The following PPP3R1 variants were observed in gnomAD, a reference collection of about 807,000 sequenced individuals.
The protein encoded by PPP3R1 is calcineurin subunit B type 1.
A neutral mutation model predicts 22.6 loss-of-function variants in PPP3R1; 5 were observed. The ratio of observed to expected loss-of-function variants is 0.22; its 90% CI spans 0.12 to 0.46. PPP3R1 has a LOEUF of 0.46. PPP3R1 is among the 20% of genes least tolerant of loss of function. The pLI is 0.99. For synonymous variants in PPP3R1, 56 were observed against 65.2 expected (o/e 0.86, Z 0.68); for missense variants, 61 against 203.2 (o/e 0.30, Z 4.25).
chr2:68,195,084 T>C (rs546922946), intron 2 of PPP3R1, among the ~76,000 whole-genome samples: 1 of 152,278 alleles, frequency 6.6e-6, no homozygotes, highest in Admixed American at 6.5e-5. Context: ...CCAATGTTAA[T>C]TTCTTGATGT....
intron 1 of PPP3R1, among the ~76,000 whole-genome samples, chr2:68,222,064 A>G (rs531827694): frequency 1.6e-4 from 24 of 152,052 alleles, no homozygotes; most frequent in African/African-American, 5.8e-4. Context: ...GAAATGGTAA[A>G]TAAAATAAAA....
intron 1 of PPP3R1, among the ~76,000 whole-genome samples, chr2:68,230,650 T>TCATA (rs1203828434): frequency 2.8e-5 from 4 of 143,942 alleles, no homozygotes; most frequent in Non-Finnish European, 6.2e-5. Context: ...GATTCTTTCA[T>TCATA]CATACCCTTC....
intron 1 of PPP3R1, among the ~76,000 whole-genome samples, chr2:68,226,658 C>T (rs1669786617): frequency 6.6e-6 from 1 of 152,096 alleles, no homozygotes; most frequent in African/African-American, 2.4e-5. Flanking sequence ...ATTTTAAACT[C>T]CATGAAGGCA....
At chr2:68,252,041 G>A in intron 1 of PPP3R1, 84 bp downstream of exon 1, 2 of 1,288,854 alleles carry the variant, frequency 1.6e-6, no homozygotes, top group African/African-American at 1.5e-5. Context: ...CAGCCGACCG[G>A]GGGCGTCGGG....
intron 1 of PPP3R1, among the ~76,000 whole-genome samples, chr2:68,222,889 G>A (rs977516122): frequency 1.3e-5 from 2 of 152,074 alleles, no homozygotes; most frequent in Admixed American, 1.3e-4. Context: ...AAAAAAGAAA[G>A]TAAATAGTAA....
intron 1 of PPP3R1, among the ~76,000 whole-genome samples, chr2:68,229,598 T>C (rs1050607956): frequency 6.6e-6 from 1 of 152,206 alleles, no homozygotes; most frequent in African/African-American, 2.4e-5. Context: ...AAAACTGCTA[T>C]GTCTTCTTAG....
intron 2 of PPP3R1, among the ~76,000 whole-genome samples, chr2:68,195,324 G>C (rs962530347): frequency 1.3e-5 from 2 of 152,030 alleles, no homozygotes; most frequent in African/African-American, 4.8e-5. Flanking sequence ...AATGCATTTA[G>C]GCATTTGGGG....
chr2:68,241,149 C>T (rs1377320697), intron 1 of PPP3R1, among the ~76,000 whole-genome samples: 1 of 151,494 alleles, frequency 6.6e-6, no homozygotes, highest in African/African-American at 2.4e-5. Flanking sequence ...CCAAACTCCA[C>T]AGATGCTCAA....
chr2:68,208,836 T>C (rs1023885358), intron 2 of PPP3R1, among the ~76,000 whole-genome samples: 1 of 151,738 alleles, frequency 6.6e-6, no homozygotes, highest in Non-Finnish European at 1.5e-5. Context: ...GACACAAGAA[T>C]TGCTTGAACC....
intron 2 of PPP3R1, among the ~76,000 whole-genome samples, chr2:68,191,945 T>C (rs1357818826): frequency 6.6e-6 from 1 of 152,244 alleles, no homozygotes; most frequent in Non-Finnish European, 1.5e-5. Context: ...CGCTTATTTA[T>C]TTATATGTCT....
Position 68,252,167 on chromosome 2 carries a change from G to A in PPP3R1, c.-40C>T, listed in dbSNP as rs1337547061. ...CGGCGGCTCGCTGGCTCGCTGGCTC[G>A]GAGAAGTGTTGCGCTCAGGCTGGCT... On this transcript the variant is annotated 5_prime_UTR_variant, in exon 1 of 6. Coordinates refer to ENST00000234310, the MANE Select transcript of PPP3R1 (RefSeq NM_000945.4). 7.1e-7 allele frequency: 1 copy of A among 1,400,646 alleles called. No individual in the cohort carries two copies. The highest frequency in any genetic ancestry group is 1.5e-5 in the African/African-American group (1 of 67,048). The allele number at this position is 1,400,646 out of a possible 1,614,324, so 86.8% of individuals were successfully genotyped here.
At chr2:68,186,082 A>G (rs971462556) in intron 5 of PPP3R1, among the ~76,000 whole-genome samples, 1 of 152,212 alleles carries the variant, frequency 6.6e-6, no homozygotes, top group African/African-American at 2.4e-5. Context: ...TGGATGCTCT[A>G]GTTTTCTCTA....
chr2:68,194,243 T>C (rs1198102793), intron 2 of PPP3R1, among the ~76,000 whole-genome samples: 2 of 152,096 alleles, frequency 1.3e-5, no homozygotes, highest in Non-Finnish European at 2.9e-5. Flanking sequence ...AATAAGGAAT[T>C]GGTAGATTGT....
At chr2:68,190,586 C>A (rs562262613) in intron 2 of PPP3R1, among the ~76,000 whole-genome samples, 1 of 151,732 alleles carries the variant, frequency 6.6e-6, no homozygotes, top group East Asian at 1.9e-4. Context: ...ACAAAAAAAA[C>A]CCCTCAATAT....
At chr2:68,202,209 C>T (rs866466380) in intron 2 of PPP3R1, among the ~76,000 whole-genome samples, 5 of 152,090 alleles carry the variant, frequency 3.3e-5, no homozygotes, top group African/African-American at 7.2e-5. Context: ...ATTTTTGTTA[C>T]GCAGATAGCT....
At chr2:68,191,579 G>A (rs1414936010) in intron 2 of PPP3R1, among the ~76,000 whole-genome samples, 1 of 152,146 alleles carries the variant, frequency 6.6e-6, no homozygotes, top group Non-Finnish European at 1.5e-5. Context: ...CACTAATGAT[G>A]CATTACTCAA....
At position 68,202,927 on chromosome 2, in the gene PPP3R1, C is replaced by A. The variant is rs145379215; in HGVS notation, c.43+14165G>T. Among the ~76,000 whole-genome samples the A allele has an allele frequency of 2.7e-3, 410 of 151,362 alleles. 3 individuals carry two copies. The highest frequency in any genetic ancestry group is 6.2e-3 in the African/African-American group (257 of 41,154). On this transcript the variant is annotated intron_variant, in intron 2 of 5. Transcript: ENST00000234310. ...ACGCCATTCTCCTGCCTCAGCCTCCCGAGTAGCTGGGACTACAGGCACCCA... is the reference window on the plus strand; with the variant it reads ...ACGCCATTCTCCTGCCTCAGCCTCCAGAGTAGCTGGGACTACAGGCACCCA...
chr2:68,209,991 G>T (rs1669446364), intron 2 of PPP3R1, among the ~76,000 whole-genome samples: 1 of 152,174 alleles, frequency 6.6e-6, no homozygotes, highest in South Asian at 2.1e-4. Context: ...AAAGGAGATT[G>T]CTGAAACATA....
At chr2:68,229,999 C>T (rs1386525518) in intron 1 of PPP3R1, among the ~76,000 whole-genome samples, 2 of 145,784 alleles carry the variant, frequency 1.4e-5, no homozygotes, top group South Asian at 2.1e-4. Flanking sequence ...CACACACACA[C>T]ACACACACAC....
Sources: gnomAD v4.1 joint callset for allele counts (sites outside exome capture counted in the v4.1 genomes callset) on GRCh38, gnomAD v4.1.1 for gene constraint, MANE v1.5 for transcripts, NCBI Gene and HGNC (gene_info 2026-07-23, HGNC 2026-07-21) for gene names.